Variants in CD2AP observed in about 807,000 individuals in gnomAD.
The protein encoded by CD2AP is CD2 associated protein.
A neutral mutation model predicts 85.1 loss-of-function variants in CD2AP; 46 were observed. That is an observed-to-expected ratio of 0.54 (90% CI 0.43 to 0.69). The LOEUF is 0.69. CD2AP is among the 30% of genes least tolerant of loss of function. The probability of loss-of-function intolerance (pLI) is 0.00; values close to 1 mark genes in which losing one functional copy is unlikely to be tolerated. For synonymous variants in CD2AP, 255 were observed against 252.9 expected (o/e 1.01, Z -0.08); for missense variants, 769 against 729.5 (o/e 1.05, Z -0.62).
intron 13 of CD2AP, among the ~76,000 whole-genome samples, chr6:47,604,913 C>G (rs1769229194): frequency 6.6e-6 from 1 of 151,956 alleles, no homozygotes; most frequent in African/African-American, 2.4e-5. Flanking sequence ...AAAAAATTAT[C>G]AGCAAATTAT....
intron 16 of CD2AP, 116 bp downstream of exon 16, chr6:47,609,420 T>C: frequency 1.2e-6 from 1 of 823,092 alleles, no homozygotes; most frequent in Non-Finnish European, 2.0e-6. Flanking sequence ...TTCGCGCCTG[T>C]AATCCCAGCA....
chr6:47,500,832 C>T (rs186078850), intron 1 of CD2AP, among the ~76,000 whole-genome samples: 119 of 152,098 alleles, frequency 7.8e-4, no homozygotes, highest in African/African-American at 2.7e-3. Flanking sequence ...CTGCAACCTC[C>T]GCCTCCCGGA....
chr6:47,494,256 G>T (rs376204661), intron 1 of CD2AP, among the ~76,000 whole-genome samples: 2 of 152,068 alleles, frequency 1.3e-5, no homozygotes, highest in South Asian at 2.1e-4. Flanking sequence ...GTGCCAGGGG[G>T]TTCACATTCC....
Position 47,624,185 on chromosome 6 carries a change from G to C in CD2AP, c.1879-1G>C. 1 of 1,608,758 alleles carries C rather than the reference G, an allele frequency of 6.2e-7. No individual in the cohort carries two copies. Reference sequence around the variant, plus strand: ...TGCTCAATTTATGTTTTTTGTTTTAGATGGAAATAGAGAAGCTGAAAAAAG... The same window carrying C: ...TGCTCAATTTATGTTTTTTGTTTTACATGGAAATAGAGAAGCTGAAAAAAG... On this transcript the variant is annotated splice_acceptor_variant, in intron 17 of 17. Coordinates refer to ENST00000359314, the MANE Select transcript of CD2AP (RefSeq NM_012120.3). LOFTEE classifies it high-confidence loss of function.
At chr6:47,571,771 G>A (rs961780133) in intron 5 of CD2AP, among the ~76,000 whole-genome samples, 1 of 152,120 alleles carries the variant, frequency 6.6e-6, no homozygotes, top group Non-Finnish European at 1.5e-5. Context: ...TTTCTCTCTA[G>A]ATTTCAGAGA....
rs377006635 is a variant in CD2AP at position 47,596,019 on chromosome 6, A to G, written c.1267A>G (p.Ile423Val). ...AAAACCAGTTCCTCCACCACCTCCT[A>G]TAGCCAAGTAAGTTTTACCTAATTT... ...PEKPVPPPPP[I>V]AKINGEVSSI... The change falls in exon 12 of 18, where the codon ATA (isoleucine) becomes GTA (valine). Residue 423 changes from isoleucine to valine, a missense_variant. Ile to Val is a conservative substitution (Grantham distance 29). Transcript: ENST00000359314. The G allele has an allele frequency of 9.3e-6, 15 of 1,611,008 alleles. No individual in the cohort carries two copies. Among genetic ancestry groups the G allele is most frequent in the African/African-American group, 4.0e-5 (3 of 74,794 alleles).
chr6:47,612,708 C>A (rs534232786), intron 17 of CD2AP, among the ~76,000 whole-genome samples, 172 bp downstream of exon 17: 1 of 152,102 alleles, frequency 6.6e-6, no homozygotes, highest in Admixed American at 6.5e-5. Flanking sequence ...CTGTCATTTG[C>A]AACAACATGG....
intron 11 of CD2AP, among the ~76,000 whole-genome samples, chr6:47,585,789 T>G (rs1768611896): frequency 6.6e-6 from 1 of 152,204 alleles, no homozygotes. Context: ...AAGCACTCTT[T>G]GTAACTCACA....
At chr6:47,595,622 C>T (rs1043336991) in intron 11 of CD2AP, among the ~76,000 whole-genome samples, 3 of 151,872 alleles carry the variant, frequency 2.0e-5, no homozygotes, top group East Asian at 1.9e-4. Context: ...ATCTACTAAT[C>T]GGAAGCTTAT....
intron 1 of CD2AP, among the ~76,000 whole-genome samples, chr6:47,494,188 G>T (rs1342161899): frequency 1.3e-5 from 2 of 152,086 alleles, no homozygotes; most frequent in Non-Finnish European, 2.9e-5. Flanking sequence ...GTTAGTGTGA[G>T]GATTTATATT....
intron 13 of CD2AP, among the ~76,000 whole-genome samples, chr6:47,602,206 A>G (rs1769160053): frequency 1.3e-5 from 2 of 152,060 alleles, no homozygotes; most frequent in African/African-American, 4.8e-5. Context: ...AGAAAGACAT[A>G]TACAGAACAC....
At chr6:47,600,423 A>G (rs1769098106) in intron 13 of CD2AP, among the ~76,000 whole-genome samples, 1 of 151,882 alleles carries the variant, frequency 6.6e-6, no homozygotes, top group African/African-American at 2.4e-5. Flanking sequence ...ATGCTATTAC[A>G]TTTCAGGGTT....
intron 17 of CD2AP, among the ~76,000 whole-genome samples, chr6:47,617,388 C>A (rs569011374): frequency 6.6e-6 from 1 of 152,184 alleles, no homozygotes; most frequent in Non-Finnish European, 1.5e-5. Flanking sequence ...GCTCTAGTGC[C>A]TCTCCCCTCT....
At chr6:47,528,722 G>T (rs760429619) in intron 2 of CD2AP, among the ~76,000 whole-genome samples, 1 of 152,152 alleles carries the variant, frequency 6.6e-6, no homozygotes, top group African/African-American at 2.4e-5. Flanking sequence ...AGGGTCACAA[G>T]TTTAGAGGTA....
chr6:47,575,181 G>A (rs536575203), intron 6 of CD2AP, among the ~76,000 whole-genome samples: 1 of 152,038 alleles, frequency 6.6e-6, no homozygotes, highest in South Asian at 2.1e-4. Context: ...AGGATTGTGG[G>A]GTCAAATTGA....
intron 5 of CD2AP, among the ~76,000 whole-genome samples, chr6:47,559,284 G>T (rs1416121348): frequency 4.7e-5 from 7 of 149,098 alleles, no homozygotes; most frequent in Admixed American, 4.0e-4. Flanking sequence ...TTAACAGGCA[G>T]GGTTTCACTT....
chr6:47,568,046 T>G (rs1280019734), intron 5 of CD2AP, among the ~76,000 whole-genome samples: 1 of 152,172 alleles, frequency 6.6e-6, no homozygotes, highest in East Asian at 1.9e-4. Context: ...AGGATCTATA[T>G]AAGTGATAGC....
intron 4 of CD2AP, among the ~76,000 whole-genome samples, chr6:47,554,109 C>G (rs1036711030): frequency 6.6e-6 from 1 of 152,032 alleles, no homozygotes; most frequent in Non-Finnish European, 1.5e-5. Flanking sequence ...GATGGGATTT[C>G]ACCACGTTGC....
chr6:47,498,045 T>G (rs1334976726), intron 1 of CD2AP, among the ~76,000 whole-genome samples: 1 of 152,210 alleles, frequency 6.6e-6, no homozygotes, highest in East Asian at 1.9e-4. Context: ...AGCTGCAAAT[T>G]TAGTACTTAT....
Sources: allele counts gnomAD v4.1 joint callset (sites outside exome capture counted in the v4.1 genomes callset), GRCh38; gene constraint gnomAD v4.1.1; transcripts MANE v1.5; gene names NCBI Gene and HGNC (gene_info 2026-07-23, HGNC 2026-07-21).